Variants in SORBS2 observed in about 807,000 individuals in gnomAD.
The protein encoded by SORBS2 is sorbin and SH3 domain-containing protein 2.
A neutral mutation model predicts 97.7 loss-of-function variants in SORBS2; 46 were observed. The ratio of observed to expected loss-of-function variants is 0.47; its 90% CI spans 0.37 to 0.60. The LOEUF (loss-of-function observed/expected upper bound fraction) is 0.60, where lower values mean the gene tolerates loss of function less well. Ranked by LOEUF, SORBS2 falls within the 20% of genes least tolerant of loss-of-function variation. The pLI, the probability that SORBS2 is intolerant of heterozygous loss-of-function variation, is 0.00. For missense variants in SORBS2, 1,316 were observed against 1,282.3 expected (o/e 1.03, Z -0.40); for synonymous variants, 476 against 473.4 (o/e 1.01, Z -0.07).
At chr4:185,618,680 T>C (rs371868019) in intron 8 of SORBS2, 49 bp from the exon 21 acceptor site, 5 of 1,290,550 alleles carry the variant, frequency 3.9e-6, no homozygotes, top group Non-Finnish European at 4.3e-6. Context: ...TTGAATTTTC[T>C]ACAAGAAAGT....
At chr4:185,628,368 C>T (rs1446786654) in intron 5 of SORBS2, among the ~76,000 whole-genome samples, 1 of 151,204 alleles carries the variant, frequency 6.6e-6, no homozygotes, top group Non-Finnish European at 1.5e-5. Context: ...AAATCTCTCT[C>T]ACCTCAAGGG....
chr4:185,646,421 A>T, intron 4 of SORBS2: 1 of 295,508 alleles, frequency 3.4e-6, no homozygotes. Context: ...GTGTGTGTAT[A>T]TATATATATA....
At chr4:185,952,034 T>A (rs1022671159) in intron 1 of SORBS2, among the ~76,000 whole-genome samples, 2 of 98,302 alleles carry the variant, frequency 2.0e-5, no homozygotes, top group Non-Finnish European at 4.6e-5. Context: ...ATAGCTTCTT[T>A]TTTTTTTTTT....
intron 12 of SORBS2, among the ~76,000 whole-genome samples, chr4:185,609,574 C>G (rs746883711): frequency 3.8e-4 from 58 of 152,166 alleles, no homozygotes. Context: ...AAACCTATAC[C>G]TATAATACAA....
At chr4:185,589,359 A>T in intron 14 of SORBS2, 1 of 295,982 alleles carries the variant, frequency 3.4e-6, no homozygotes, top group Non-Finnish European at 6.5e-6. Context: ...CAGAGCGTTG[A>T]TATTTCTCTT....
At chr4:185,639,948 A>G (rs1025472550) in intron 4 of SORBS2, among the ~76,000 whole-genome samples, 2 of 152,218 alleles carry the variant, frequency 1.3e-5, no homozygotes, top group African/African-American at 4.8e-5. Flanking sequence ...TCCATATTCC[A>G]ACAAAAGCCA....
At chr4:185,631,955 T>C (rs1382455434) in intron 4 of SORBS2, among the ~76,000 whole-genome samples, 1 of 152,238 alleles carries the variant, frequency 6.6e-6, no homozygotes, top group Non-Finnish European at 1.5e-5. Flanking sequence ...TTTGTCTGTA[T>C]GAAAGCTTAA....
intron 1 of SORBS2, among the ~76,000 whole-genome samples, chr4:185,857,798 A>G (rs2099221411): frequency 6.6e-6 from 1 of 152,200 alleles, no homozygotes; most frequent in South Asian, 2.1e-4. Flanking sequence ...CCTCAGGCCT[A>G]CTAGGATTGG....
chr4:185,877,656 C>T (rs2099234332), intron 1 of SORBS2, among the ~76,000 whole-genome samples: 1 of 151,896 alleles, frequency 6.6e-6, no homozygotes, highest in African/African-American at 2.4e-5. Context: ...CACCTGAGGT[C>T]AGGAGTTTGA....
intron 12 of SORBS2, among the ~76,000 whole-genome samples, chr4:185,595,945 A>G (rs182831468): frequency 3.2e-4 from 49 of 152,280 alleles, no homozygotes; most frequent in Admixed American, 9.8e-4. Context: ...AAAATACTGT[A>G]CTCAAAAGTA....
At position 185,703,450 on chromosome 4, in the gene SORBS2, A is replaced by G. The variant is rs549475275; in HGVS notation, c.-197-24628T>C. The stretch of plus-strand genomic sequence containing the variant: ...AATATTACGTTTTTGCATAGCTCCT[A>G]TTTTAAAGAGTAAAAGTCTATTGGC... On this transcript the variant is annotated intron_variant, in intron 2 of 20. Coordinates refer to the SORBS2 transcript ENST00000284776. Among the ~76,000 whole-genome samples, 434 of 152,300 alleles carry G rather than the reference A, an allele frequency of 2.8e-3. 2 individuals are homozygous for G. The highest frequency in any genetic ancestry group is 0.01 in the African/African-American group (418 of 41,558).
intron 1 of SORBS2, among the ~76,000 whole-genome samples, chr4:185,866,521 C>T (rs1035817171): frequency 6.6e-6 from 1 of 152,180 alleles, no homozygotes; most frequent in African/African-American, 2.4e-5. Flanking sequence ...GTTTCTTCCT[C>T]CTGTTTCTTG....
intron 1 of SORBS2, among the ~76,000 whole-genome samples, chr4:185,849,474 A>ATTT (rs35266876): frequency 0.15 from 21,346 of 147,072 alleles, 2,170 homozygotes; most frequent in East Asian, 0.5. Flanking sequence ...TCTCCCTGCC[A>ATTT]TTTTTTTTTT....
intron 1 of SORBS2, among the ~76,000 whole-genome samples, chr4:185,881,612 A>G (rs2099236918): frequency 6.6e-6 from 1 of 152,180 alleles, no homozygotes; most frequent in Admixed American, 6.5e-5. Context: ...AATGCCAACA[A>G]CTTCTGACGA....
At chr4:185,792,967 T>C (rs1403947793) in intron 1 of SORBS2, among the ~76,000 whole-genome samples, 1 of 152,218 alleles carries the variant, frequency 6.6e-6, no homozygotes, top group Non-Finnish European at 1.5e-5. Flanking sequence ...AAAATGAGAA[T>C]AATGTACTCA....
chr4:185,803,607 AAAAATT>A (rs1215079716), intron 1 of SORBS2, among the ~76,000 whole-genome samples: 2 of 152,164 alleles, frequency 1.3e-5, no homozygotes, highest in Admixed American at 1.3e-4. Context: ...CAATAAATCT[AAAAATT>A]AATTGAAAAT....
At chr4:185,590,744 G>A (rs975504125) in intron 13 of SORBS2, among the ~76,000 whole-genome samples, 3 of 152,128 alleles carry the variant, frequency 2.0e-5, no homozygotes, top group Non-Finnish European at 2.9e-5. Flanking sequence ...TAGTAACATG[G>A]GCTGGTGTTT....
At chr4:185,825,788 T>G (rs2099199454) in intron 1 of SORBS2, among the ~76,000 whole-genome samples, 1 of 152,200 alleles carries the variant, frequency 6.6e-6, no homozygotes. Flanking sequence ...GAGTCACTCC[T>G]GAGGTTAATG....
At chr4:185,785,290 A>G (rs554971000) in intron 1 of SORBS2, among the ~76,000 whole-genome samples, 1 of 152,140 alleles carries the variant, frequency 6.6e-6, no homozygotes, top group Non-Finnish European at 1.5e-5. Flanking sequence ...GTCAGTCATA[A>G]TGGAGGGGAA....
Sources: allele counts gnomAD v4.1 joint callset (sites outside exome capture counted in the v4.1 genomes callset), GRCh38; gene constraint gnomAD v4.1.1; transcripts MANE v1.5; gene names NCBI Gene and HGNC (gene_info 2026-07-23, HGNC 2026-07-21).